Variants in PLD1 observed in about 807,000 individuals in gnomAD.
The protein encoded by PLD1 is phospholipase D1.
PLD1 carries 112 observed loss-of-function variants against 137.1 expected under a neutral mutation model. That is an observed-to-expected ratio of 0.82 (90% CI 0.70 to 0.96). PLD1 has a LOEUF of 0.96. PLD1 is among the 40% of genes least tolerant of loss of function. The pLI, the probability that PLD1 is intolerant of heterozygous loss-of-function variation, is 0.00. For missense variants in PLD1, 1,321 were observed against 1,342.0 expected, an observed-to-expected ratio of 0.98 and a Z score of 0.24; for synonymous variants, 431 against 454.7, an observed-to-expected ratio of 0.95 and a Z score of 0.66.
At chr3:171,755,779 T>C (rs1720982938) in intron 1 of PLD1, among the ~76,000 whole-genome samples, 1 of 152,200 alleles carries the variant, frequency 6.6e-6, no homozygotes. Flanking sequence ...GGGCTCTCAG[T>C]AACTGTTTCC....
At chr3:171,769,770 C>T (rs1339894206) in intron 1 of PLD1, among the ~76,000 whole-genome samples, 2 of 152,124 alleles carry the variant, frequency 1.3e-5, no homozygotes, top group East Asian at 1.9e-4. Flanking sequence ...ATTTCTGTCT[C>T]CCTTCCCCCT....
intron 23 of PLD1, among the ~76,000 whole-genome samples, chr3:171,625,363 G>C (rs1304788759): frequency 6.6e-6 from 1 of 152,230 alleles, no homozygotes. Flanking sequence ...GCTTGAACTG[G>C]GTGGAGCCCA....
In PLD1 at chr3:171,601,704, A is replaced by T. The variant is rs1263845051; in HGVS notation, c.*1374T>A. 2.0e-5 allele frequency: 3 copies of T among 152,150 alleles called. No homozygotes were observed. Among genetic ancestry groups the T allele is most frequent in the African/African-American group, 7.2e-5 (3 of 41,404 alleles). The allele number at this position is 152,150 out of a possible 1,614,324, so 9.4% of individuals were successfully genotyped here. ...GCTTGCTTCTTTGAAGAACAACCCA[A>T]ATGAGAGTATGTCCAGGTAATCCAT... On this transcript the variant is annotated 3_prime_UTR_variant, in exon 27 of 27. Transcript: ENST00000351298.
At chr3:171,689,105 T>G (rs2108513124) in intron 13 of PLD1, among the ~76,000 whole-genome samples, 1 of 152,212 alleles carries the variant, frequency 6.6e-6, no homozygotes, top group South Asian at 2.1e-4. Context: ...TACTATATTT[T>G]GGGGCAGCCG....
At chr3:171,629,372 G>C (rs1354205573) in intron 23 of PLD1, among the ~76,000 whole-genome samples, 5 of 151,960 alleles carry the variant, frequency 3.3e-5, no homozygotes, top group Non-Finnish European at 5.9e-5. Flanking sequence ...AGGATACAAA[G>C]AAATGGAAGA....
chr3:171,730,473 A>C (rs928387368), intron 6 of PLD1, among the ~76,000 whole-genome samples: 18 of 152,116 alleles, frequency 1.2e-4, no homozygotes, highest in African/African-American at 4.3e-4. Context: ...CATGGGAGAG[A>C]AGGTCTGAGC....
chr3:171,620,349 G>T lies in PLD1; in HGVS notation c.2728+37C>A, dbSNP rs771206836. 5 of 1,454,224 alleles carry T rather than the reference G, an allele frequency of 3.4e-6. No homozygotes were observed. The African/African-American group carries it at 4.2e-5, about 12-fold the overall frequency. The allele number at this position is 1,454,224 out of a possible 1,614,324, so 90.1% of individuals were successfully genotyped here. ...ATTTTTGCATGGGGTAAGTCAACTG[G>T]CAAGGAATACAATTATAGACCATAT... On this transcript the variant is annotated intron_variant, in intron 24 of 26. Transcript: ENST00000351298.
At chr3:171,738,898 G>A (rs1332967061) in intron 1 of PLD1, among the ~76,000 whole-genome samples, 2 of 152,148 alleles carry the variant, frequency 1.3e-5, no homozygotes, top group Non-Finnish European at 2.9e-5. Context: ...CATCAGAGTT[G>A]GATGAAACAT....
At chr3:171,674,809 T>C (rs1329650093) in intron 18 of PLD1, among the ~76,000 whole-genome samples, 196 bp from the exon 19 acceptor site, 1 of 151,628 alleles carries the variant, frequency 6.6e-6, no homozygotes, top group East Asian at 1.9e-4. Flanking sequence ...GAAACCCCCA[T>C]CTCTACTAAA....
At chr3:171,766,780 A>G (rs1422734589) in intron 1 of PLD1, among the ~76,000 whole-genome samples, 1 of 152,144 alleles carries the variant, frequency 6.6e-6, no homozygotes, top group African/African-American at 2.4e-5. Context: ...GAAAGTGCTT[A>G]CCCATTCAAA....
intron 1 of PLD1, among the ~76,000 whole-genome samples, chr3:171,738,315 A>G (rs548650104): frequency 6.7e-6 from 1 of 149,026 alleles, no homozygotes; most frequent in Non-Finnish European, 1.5e-5. Flanking sequence ...AAAAAAAAAG[A>G]AAAAAAAAAG....
intron 21 of PLD1, among the ~76,000 whole-genome samples, chr3:171,646,455 AC>A (rs1736219278): frequency 6.6e-6 from 1 of 152,202 alleles, no homozygotes; most frequent in African/African-American, 2.4e-5. Context: ...AGAAATGACT[AC>A]CAACAATGAA....
intron 23 of PLD1, among the ~76,000 whole-genome samples, chr3:171,639,320 TATAA>T (rs1443397535): frequency 7.3e-6 from 1 of 136,804 alleles, no homozygotes; most frequent in African/African-American, 2.7e-5. Context: ...ATTATCTATA[TATAA>T]ATATTTTCAT....
At chr3:171,620,774 T>C (rs1350559359) in intron 23 of PLD1, among the ~76,000 whole-genome samples, 4 of 137,692 alleles carry the variant, frequency 2.9e-5, no homozygotes, top group African/African-American at 9.1e-5. Context: ...ATATATTATA[T>C]ATATTTTTTT....
chr3:171,654,737 G>C (rs1737050887), intron 21 of PLD1, among the ~76,000 whole-genome samples: 1 of 152,098 alleles, frequency 6.6e-6, no homozygotes, highest in African/African-American at 2.4e-5. Context: ...GTTTCAAGTG[G>C]GTTGGGCAGC....
intron 18 of PLD1, among the ~76,000 whole-genome samples, chr3:171,676,331 G>A (rs1230966468): frequency 6.6e-6 from 1 of 152,040 alleles, no homozygotes; most frequent in Non-Finnish European, 1.5e-5. Flanking sequence ...CATCCAACTG[G>A]ATGGGACTTT....
At chr3:171,647,808 A>G (rs922401981) in intron 21 of PLD1, among the ~76,000 whole-genome samples, 1 of 152,140 alleles carries the variant, frequency 6.6e-6, no homozygotes, top group Non-Finnish European at 1.5e-5. Flanking sequence ...AACTATCATA[A>G]TGATCTATTC....
intron 16 of PLD1, among the ~76,000 whole-genome samples, chr3:171,680,289 C>T (rs1198522457): frequency 2.3e-5 from 3 of 132,226 alleles, no homozygotes; most frequent in Non-Finnish European, 4.6e-5. Flanking sequence ...TGCAGTGGCA[C>T]GATCTCGGCT....
At chr3:171,711,204 C>T in intron 9 of PLD1, among the ~76,000 whole-genome samples, 1 of 91,520 alleles carries the variant, frequency 1.1e-5, no homozygotes, top group Admixed American at 1.6e-4. Flanking sequence ...TGGAGTCTTG[C>T]TTTGTCACCA....
Sources: gnomAD v4.1 joint callset for allele counts (sites outside exome capture counted in the v4.1 genomes callset) on GRCh38, gnomAD v4.1.1 for gene constraint, MANE v1.5 for transcripts, NCBI Gene and HGNC (gene_info 2026-07-23, HGNC 2026-07-21) for gene names.